SKP2: variants seen among roughly 807,000 people sequenced by gnomAD.
The protein encoded by SKP2 is S-phase kinase-associated protein 2.
In SKP2, 16 loss-of-function variants were observed where a neutral mutation model predicts 51.8. That is an observed-to-expected ratio of 0.31 (90% CI 0.21 to 0.47). The LOEUF (loss-of-function observed/expected upper bound fraction) is 0.47. Among genes scored for constraint, SKP2 ranks in the 20% least tolerant of loss-of-function variants. The probability of loss-of-function intolerance (pLI) is 1.00; values close to 1 mark genes in which losing one functional copy is unlikely to be tolerated. For synonymous variants in SKP2, 176 were observed against 198.6 expected (o/e 0.89, Z 0.96); for missense variants, 377 against 505.3 (o/e 0.75, Z 2.43).
intron 6 of SKP2, among the ~76,000 whole-genome samples, chr5:36,190,226 CCTG>C (rs1745995042): frequency 8.6e-4 from 3 of 3,490 alleles, no homozygotes; most frequent in South Asian, 0.071. Flanking sequence ...CACCCACTGT[CCTG>C]CACCCACTGT....
intron 7 of SKP2, among the ~76,000 whole-genome samples, chr5:36,172,986 C>G (rs1434868120): frequency 6.6e-6 from 1 of 151,276 alleles, no homozygotes; most frequent in Non-Finnish European, 1.5e-5. Flanking sequence ...TACAGAAAAA[C>G]ACAAAGGGAA....
At chr5:36,161,285 A>C (rs2111962724) in intron 2 of SKP2, among the ~76,000 whole-genome samples, 1 of 94,410 alleles carries the variant, frequency 1.1e-5, no homozygotes, top group South Asian at 3.4e-4. Flanking sequence ...GAAAATACAA[A>C]AATTGTTAAA....
chr5:36,163,712 G>A lies in SKP2; in HGVS notation c.348G>A (p.Glu116=), dbSNP rs1415077456. The change falls in exon 3 of 10, where the codon GAG becomes GAA. Residue 116 remains glutamate, a synonymous_variant. Transcript: ENST00000274255. ...TCTTTTCCTGTCTGTGCCTCCCTGA[G>A]CTGCTAAAGGTCTCTGGTGTTTGTA... ...LGIFSCLCLP[E]LLKVSGVCKR... is the part of the protein sequence containing the mutation. 1.4e-5 allele frequency: 22 copies of A among 1,613,896 alleles called. No homozygotes were observed. Among genetic ancestry groups the A allele is most frequent in the Non-Finnish European group, 1.7e-5 (20 of 1,179,922 alleles).
At chr5:36,161,323 CAA>C (rs1745115284) in intron 2 of SKP2, among the ~76,000 whole-genome samples, 6 of 146,976 alleles carry the variant, frequency 4.1e-5, no homozygotes, top group Admixed American at 4.1e-4. Context: ...TTTTGTTTCT[CAA>C]GAGCTCCTGG....
intron 2 of SKP2, among the ~76,000 whole-genome samples, chr5:36,155,466 C>T (rs1478872250): frequency 1.3e-5 from 2 of 152,194 alleles, no homozygotes; most frequent in East Asian, 3.9e-4. Flanking sequence ...ACCCACTTCA[C>T]AGGTCGTCGT....
At chr5:36,187,368 C>CA (rs1745965721), downstream of SKP2, among the ~76,000 whole-genome samples, 1 of 152,166 alleles carries the variant, frequency 6.6e-6, no homozygotes, top group Non-Finnish European at 1.5e-5. Flanking sequence ...CTCTTGTGGG[C>CA]ATTTAGTGCT....
At chr5:36,191,235 ATTT>A (rs1746017281) in intron 6 of SKP2, among the ~76,000 whole-genome samples, 1 of 152,098 alleles carries the variant, frequency 6.6e-6, no homozygotes, top group African/African-American at 2.4e-5. Flanking sequence ...ATCTGAAGAC[ATTT>A]TTGATGGTCA....
chr5:36,187,663 C>T (rs372555036), downstream of SKP2, among the ~76,000 whole-genome samples: 10 of 152,230 alleles, frequency 6.6e-5, 1 homozygote, highest in East Asian at 1.9e-3. Context: ...ACTATGTGGT[C>T]AATTTTTGGG....
At chr5:36,186,880 T>C (rs1745960685), downstream of SKP2, among the ~76,000 whole-genome samples, 1 of 152,226 alleles carries the variant, frequency 6.6e-6, no homozygotes, top group Non-Finnish European at 1.5e-5. Flanking sequence ...TCCTCGACTT[T>C]TTTTGGTTGG....
In SKP2 at chr5:36,152,953, G is replaced by GC; in HGVS notation, c.197dup (p.Arg67ThrfsTer10). ...CTCTCAAACCTGGGCCACCCGGAGA[G>GC]CCCCCCACGGAAACGGCTGAAGAGC... On this transcript the variant is annotated frameshift_variant, in exon 2 of 10. Coordinates refer to ENST00000274255, the MANE Select transcript of SKP2 (RefSeq NM_005983.4). LOFTEE classifies it high-confidence loss of function. 3 of 1,614,112 alleles carry GC rather than the reference G, an allele frequency of 1.9e-6. No individual in the cohort carries two copies. Among genetic ancestry groups the GC allele is most frequent in the Non-Finnish European group, 1.7e-6 (2 of 1,180,000 alleles).
downstream of SKP2, among the ~76,000 whole-genome samples, chr5:36,189,124 G>A (rs769708580): frequency 2.0e-5 from 3 of 152,046 alleles, no homozygotes; most frequent in East Asian, 3.9e-4. Context: ...TTAGCCATTC[G>A]TCTAATCTTT....
chr5:36,154,573 T>C (rs12521096), intron 2 of SKP2, among the ~76,000 whole-genome samples: 113,046 of 152,142 alleles, frequency 0.74, 44,874 homozygotes, highest in Non-Finnish European at 0.89. Flanking sequence ...CTTGCTCTGT[T>C]GCCCAGGCTG....
rs1342764188 is a variant in SKP2 at position 36,183,153 on chromosome 5, CTACT to C, written c.*1125_*1128del. The C allele has an allele frequency of 6.1e-6, 6 of 976,044 alleles. No homozygotes were observed. In the African/African-American group the frequency reaches 1.0e-4, roughly 17 times the overall value. 60.5% of individuals were successfully genotyped at this position (976,044 alleles called of 1,614,324 possible). A position where few individuals can be genotyped will look rare whatever the true frequency, so the allele number is the denominator to read the frequency against. On this transcript the variant is annotated 3_prime_UTR_variant, in exon 10 of 10. Coordinates refer to ENST00000274255, the MANE Select transcript of SKP2 (RefSeq NM_005983.4). Reference sequence around the variant, plus strand: ...TTCCATGCAGTTTCAGTAGTAAGCACTACTTATACCTACATAAGAGTTAAAATCC... The same window carrying C: ...TTCCATGCAGTTTCAGTAGTAAGCACTATACCTACATAAGAGTTAAAATCC...
chr5:36,154,648 C>A (rs144118726), intron 2 of SKP2, among the ~76,000 whole-genome samples: 14 of 152,298 alleles, frequency 9.2e-5, no homozygotes, highest in Middle Eastern at 3.4e-3. Flanking sequence ...CCTGCCTCAG[C>A]CTCCTAAGTA....
rs559570451 is a variant in SKP2, at chr5:36,169,054, A to G, written c.671+607A>G. Among the ~76,000 whole-genome samples the G allele has an allele frequency of 2.0e-5, 3 of 152,274 alleles. No homozygotes were observed. The East Asian group carries it at 5.8e-4, about 29-fold the overall frequency. On this transcript the variant is annotated intron_variant, in intron 5 of 9. Transcript: ENST00000274255. ...TTGGAAGTTGCTGGAGCACAGGACT[A>G]AGGGAGGAGAGTGACAAGGTGAGGA...
chr5:36,158,573 A>G (rs937060840), intron 2 of SKP2, among the ~76,000 whole-genome samples: 1 of 152,138 alleles, frequency 6.6e-6, no homozygotes, highest in Non-Finnish European at 1.5e-5. Context: ...ACCCATTGAT[A>G]GCATCTTTGT....
chr5:36,192,192 A>T (rs1282785517), intron 6 of SKP2, among the ~76,000 whole-genome samples: 1 of 152,222 alleles, frequency 6.6e-6, no homozygotes. Context: ...TCACTGACTT[A>T]TGCCCCAATC....
rs976713996 is a variant in SKP2 at position 36,152,772 on chromosome 5, A to C, written c.10A>C (p.Lys4Gln). ...CGGGGGTATTGTGCACTTCTGCAGG[A>C]AGCACCTCCAGGAGATTCCAGACCT... MHR[K>Q]HLQEIPDLSS... Residue 4 changes from lysine to glutamine, a missense_variant and splice_region_variant, in exon 2 of 10, where the codon AAG (lysine) becomes CAG (glutamine). Transcript: ENST00000274255. 1 of 1,613,006 alleles carries C rather than the reference A, an allele frequency of 6.2e-7. No homozygotes were observed. Among genetic ancestry groups the C allele is most frequent in the Non-Finnish European group, 8.5e-7 (1 of 1,179,746 alleles).
At chr5:36,153,545 A>G (rs1325737643) in intron 2 of SKP2, among the ~76,000 whole-genome samples, 1 of 152,002 alleles carries the variant, frequency 6.6e-6, no homozygotes, top group Admixed American at 6.5e-5. Flanking sequence ...TTCTGTCTCC[A>G]TTACTGCTGA....
Sources: allele counts gnomAD v4.1 joint callset (sites outside exome capture counted in the v4.1 genomes callset), GRCh38; gene constraint gnomAD v4.1.1; transcripts MANE v1.5; gene names NCBI Gene and HGNC (gene_info 2026-07-23, HGNC 2026-07-21).